The following MACROD2 variants were observed in gnomAD, a reference collection of about 807,000 sequenced individuals.
MACROD2 encodes the protein ADP-ribose glycohydrolase MACROD2.
MACROD2 carries 36 observed loss-of-function variants against 70.4 expected under a neutral mutation model. That is an observed-to-expected ratio of 0.51 (90% CI 0.39 to 0.68). MACROD2 has a LOEUF of 0.68. Among genes scored for constraint, MACROD2 ranks in the 30% least tolerant of loss-of-function variants. The pLI, the probability that MACROD2 is intolerant of heterozygous loss-of-function variation, is 0.00. For missense variants in MACROD2, 496 were observed against 538.4 expected (o/e 0.92, Z 0.78); for synonymous variants, 172 against 178.8 (o/e 0.96, Z 0.30).
At chr20:15,851,215 G>C (rs1044367048) in intron 8 of MACROD2, among the ~76,000 whole-genome samples, 3 of 151,600 alleles carry the variant, frequency 2.0e-5, no homozygotes, top group Admixed American at 6.6e-5. Flanking sequence ...TGAGAAGCAG[G>C]GTTGGGAGAA....
chr20:14,303,229 C>A (rs942833151), intron 3 of MACROD2, among the ~76,000 whole-genome samples: 2 of 152,150 alleles, frequency 1.3e-5, no homozygotes, highest in African/African-American at 4.8e-5. Context: ...AAACTGACCA[C>A]CAGCCATTTC....
At chr20:14,167,114 T>C (rs1235349395) in intron 3 of MACROD2, among the ~76,000 whole-genome samples, 1 of 152,156 alleles carries the variant, frequency 6.6e-6, no homozygotes, top group Non-Finnish European at 1.5e-5. Context: ...GTCCCTTTTT[T>C]ATCTCAGTTT....
chr20:15,146,261 A>G (rs151026473), intron 5 of MACROD2, among the ~76,000 whole-genome samples: 19 of 152,278 alleles, frequency 1.2e-4, no homozygotes, highest in African/African-American at 4.3e-4. Flanking sequence ...GATACGGAAT[A>G]TAGGATTTCT....
intron 8 of MACROD2, among the ~76,000 whole-genome samples, chr20:15,536,463 C>T (rs1459529621): frequency 6.6e-6 from 1 of 152,128 alleles, no homozygotes; most frequent in African/African-American, 2.4e-5. Context: ...GTTAAAAGGC[C>T]TCAGTGCTGA....
chr20:15,811,996 G>T (rs1352326603), intron 8 of MACROD2, among the ~76,000 whole-genome samples: 1 of 152,154 alleles, frequency 6.6e-6, no homozygotes, highest in East Asian at 1.9e-4. Flanking sequence ...AGCCAGGAAG[G>T]AGCCCACCAG....
intron 6 of MACROD2, among the ~76,000 whole-genome samples, chr20:15,318,095 C>G (rs1448139075): frequency 6.6e-6 from 1 of 151,992 alleles, no homozygotes; most frequent in Non-Finnish European, 1.5e-5. Context: ...TTGCACTTAA[C>G]TGAAATCAGA....
intron 3 of MACROD2, among the ~76,000 whole-genome samples, chr20:14,455,839 C>T (rs1003680328): frequency 6.6e-6 from 1 of 151,656 alleles, no homozygotes; most frequent in Non-Finnish European, 1.5e-5. Context: ...ATTCAATCTT[C>T]TAGCTGTACT....
In MACROD2 at chr20:14,998,011, G is replaced by A. The variant is rs192896981; in HGVS notation, c.419-231929G>A. On this transcript the variant is annotated intron_variant, in intron 5 of 17. Coordinates refer to ENST00000684519, the MANE Select transcript of MACROD2 (RefSeq NM_001351661.2). ...AAGACTACCAAGATGGCACCTCTAT[G>A]AGTCATCAAAAATCATAGCATCACT... Among the ~76,000 whole-genome samples the A allele has an allele frequency of 7.3e-4, 111 of 152,260 alleles. 1 individual carries two copies. Among genetic ancestry groups the A allele is most frequent in the African/African-American group, 2.6e-3 (108 of 41,548 alleles).
chr20:14,596,588 A>G (rs1437894209), intron 4 of MACROD2, among the ~76,000 whole-genome samples: 1 of 151,712 alleles, frequency 6.6e-6, no homozygotes, highest in Non-Finnish European at 1.5e-5. Context: ...ACTTTTATCT[A>G]CTTATTCTAT....
chr20:16,023,378 G>A (rs927538813), intron 15 of MACROD2, among the ~76,000 whole-genome samples: 2 of 151,458 alleles, frequency 1.3e-5, no homozygotes, highest in Non-Finnish European at 2.9e-5. Flanking sequence ...GGGAGGCTGA[G>A]GCAGGAGAAT....
intron 6 of MACROD2, among the ~76,000 whole-genome samples, chr20:15,232,888 T>C (rs556681027): frequency 6.6e-6 from 1 of 152,118 alleles, no homozygotes; most frequent in African/African-American, 2.4e-5. Context: ...AATAGATTCT[T>C]CAAATATTTT....
At chr20:15,851,987 C>T (rs1185346346) in intron 8 of MACROD2, among the ~76,000 whole-genome samples, 1 of 152,150 alleles carries the variant, frequency 6.6e-6, no homozygotes, top group Non-Finnish European at 1.5e-5. Context: ...GGCATTTCCC[C>T]TCAGTCTCTC....
At chr20:14,966,953 GA>G (rs2074642826) in intron 5 of MACROD2, among the ~76,000 whole-genome samples, 1 of 151,652 alleles carries the variant, frequency 6.6e-6, no homozygotes, top group African/African-American at 2.4e-5. Context: ...ACATTTCTCT[GA>G]AATATATACA....
chr20:14,982,976 C>T (rs762895085), intron 5 of MACROD2, among the ~76,000 whole-genome samples: 6 of 152,240 alleles, frequency 3.9e-5, no homozygotes, highest in Admixed American at 6.5e-5. Flanking sequence ...TGAAGGCAGC[C>T]GGGAGGGAGG....
At chr20:15,798,680 G>T (rs1445628528) in intron 8 of MACROD2, among the ~76,000 whole-genome samples, 7 of 152,132 alleles carry the variant, frequency 4.6e-5, no homozygotes, top group Admixed American at 1.3e-4. Flanking sequence ...AATACATTTT[G>T]CCATAAGCAG....
chr20:14,649,873 G>A (rs1051063251), intron 4 of MACROD2, among the ~76,000 whole-genome samples: 1 of 152,106 alleles, frequency 6.6e-6, no homozygotes, highest in African/African-American at 2.4e-5. Flanking sequence ...CAGGCTGGGT[G>A]GGGCTGAGCC....
chr20:15,459,859 T>TG (rs2046783839), intron 7 of MACROD2, among the ~76,000 whole-genome samples: 1 of 152,134 alleles, frequency 6.6e-6, no homozygotes, highest in African/African-American at 2.4e-5. Flanking sequence ...AATTTTCTTT[T>TG]GGGGGCCACC....
chr20:14,912,132 A>G (rs538868915), intron 5 of MACROD2, among the ~76,000 whole-genome samples: 2 of 152,238 alleles, frequency 1.3e-5, no homozygotes, highest in Admixed American at 1.3e-4. Context: ...CCTCAACTCT[A>G]GGGATCTGAT....
chr20:14,583,961 G>A (rs1273634940), intron 4 of MACROD2, among the ~76,000 whole-genome samples: 1 of 152,074 alleles, frequency 6.6e-6, no homozygotes, highest in Non-Finnish European at 1.5e-5. Context: ...TTGCCCTTGT[G>A]TTACCCGGCA....
Sources: gnomAD v4.1 joint callset for allele counts (sites outside exome capture counted in the v4.1 genomes callset) on GRCh38, gnomAD v4.1.1 for gene constraint, MANE v1.5 for transcripts, NCBI Gene and HGNC (gene_info 2026-07-23, HGNC 2026-07-21) for gene names.